Variants in GNAO1 observed in about 807,000 individuals in gnomAD.
The protein encoded by GNAO1 is G protein subunit alpha o1, also known as guanine nucleotide-binding protein G(o) subunit alpha.
For synonymous variants in GNAO1, 164 were observed against 180.7 expected (o/e 0.91, Z 0.74); for missense variants, 166 against 478.7 (o/e 0.35, Z 6.10).
At chr16:56,282,483 A>G (rs1468478218) in intron 3 of GNAO1, among the ~76,000 whole-genome samples, 1 of 152,256 alleles carries the variant, frequency 6.6e-6, no homozygotes, top group Non-Finnish European at 1.5e-5. Context: ...AAACAGAAGC[A>G]CAAGGTTCTT....
chr16:56,327,015 T>C (rs542030226), intron 3 of GNAO1, among the ~76,000 whole-genome samples: 76 of 152,234 alleles, frequency 5.0e-4, no homozygotes, highest in African/African-American at 1.8e-3. Context: ...CATCGGGTTG[T>C]TAAGTGAGTG....
chr16:56,326,212 A>C lies in GNAO1; in HGVS notation c.304-2419A>C, dbSNP rs1223668908. Among the ~76,000 whole-genome samples the C allele has an allele frequency of 6.6e-6, 1 of 152,174 alleles. No individual in the cohort carries two copies. The highest frequency in any genetic ancestry group is 1.5e-5 in the Non-Finnish European group (1 of 68,018). On this transcript the variant is annotated intron_variant, in intron 3 of 8. Transcript: ENST00000262493. This position sits in a 1 kb window ranked among gnomAD's most constrained non-coding sequence, Gnocchi z 4.8. The stretch of plus-strand genomic sequence containing the variant: ...TGCACACCCTGAGGCGTGGTGCCCC[A>C]GGCGGGCAGTAGTCACTAGGCAGGG...
intron 6 of GNAO1, chr16:56,345,377 A>C (rs2037856244): frequency 1.0e-6 from 1 of 985,452 alleles, no homozygotes; most frequent in Non-Finnish European, 1.2e-6. Context: ...CCCACTCTGG[A>C]CACTGCTTAG....
intron 2 of GNAO1, among the ~76,000 whole-genome samples, chr16:56,272,695 C>T (rs1353415367): frequency 6.6e-6 from 1 of 152,236 alleles, no homozygotes; most frequent in African/African-American, 2.4e-5. Context: ...CTTATTCTCT[C>T]TCAGCCTCAG....
chr16:56,255,340 T>A (rs754404171), intron 2 of GNAO1, among the ~76,000 whole-genome samples: 19 of 152,070 alleles, frequency 1.2e-4, no homozygotes, highest in Non-Finnish European at 2.5e-4. Context: ...TTTCCATAGA[T>A]GAGATGTATG....
At position 56,315,990 on chromosome 16, in the gene GNAO1, C is replaced by T. The variant is rs1054979304; in HGVS notation, c.304-12641C>T. On this transcript the variant is annotated intron_variant, in intron 3 of 8. Coordinates refer to ENST00000262493, the MANE Select transcript of GNAO1 (RefSeq NM_020988.3). ...AGGAGAATTGCTTGAACCCGGGAGG[C>T]GGAGGTTGCAGTAGGCCAAAGATCT... Among the ~76,000 whole-genome samples, 9 of 151,900 alleles carry T rather than the reference C, an allele frequency of 5.9e-5. No homozygotes were observed. The South Asian group carries it at 6.2e-4, about 11-fold the overall frequency.
intron 3 of GNAO1, among the ~76,000 whole-genome samples, chr16:56,319,443 G>A (rs1172647878): frequency 1.3e-5 from 2 of 152,140 alleles, no homozygotes; most frequent in Non-Finnish European, 2.9e-5. Context: ...GTACACAGGG[G>A]GCAGGGCCCT....
chr16:56,306,874 G>A (rs1226286880), intron 3 of GNAO1: 1 of 152,364 alleles, frequency 6.6e-6, no homozygotes, highest in Non-Finnish European at 1.5e-5. Context: ...GGGCAGCGTG[G>A]GGCCTCGGGC....
chr16:56,272,642 C>T (rs2037028818), intron 2 of GNAO1, among the ~76,000 whole-genome samples: 1 of 152,248 alleles, frequency 6.6e-6, no homozygotes, highest in African/African-American at 2.4e-5. Flanking sequence ...GTATCCTGTT[C>T]TTGGCCCAGG....
chr16:56,317,607 A>G (rs570467139), intron 3 of GNAO1, among the ~76,000 whole-genome samples: 1 of 151,984 alleles, frequency 6.6e-6, no homozygotes, highest in Admixed American at 6.6e-5. Flanking sequence ...AAGGGATGTG[A>G]GTGGATGGAT....
chr16:56,213,518 A>G, intron 2 of GNAO1: 1 of 392,572 alleles, frequency 2.5e-6, no homozygotes, highest in Non-Finnish European at 4.5e-6. Context: ...TTTTTCTGAG[A>G]TGGGATGGCG....
chr16:56,290,706 C>G (rs1223865422), intron 3 of GNAO1, among the ~76,000 whole-genome samples: 7 of 152,196 alleles, frequency 4.6e-5, no homozygotes, highest in African/African-American at 7.2e-5. Flanking sequence ...AAAGCTGGCT[C>G]TGTGCATCCA....
intron 3 of GNAO1, among the ~76,000 whole-genome samples, chr16:56,322,384 A>C (rs1166672879): frequency 6.6e-6 from 1 of 152,186 alleles, no homozygotes; most frequent in Non-Finnish European, 1.5e-5. Flanking sequence ...AATACCCACC[A>C]CACACAACCC....
intron 2 of GNAO1, among the ~76,000 whole-genome samples, chr16:56,215,320 G>A (rs1372646671): frequency 4.6e-5 from 7 of 152,098 alleles, no homozygotes; most frequent in South Asian, 4.1e-4. Context: ...TCTGAGTTTC[G>A]TAGACACACG....
chr16:56,334,318 T>A (rs781775244), intron 4 of GNAO1, among the ~76,000 whole-genome samples: 1 of 152,256 alleles, frequency 6.6e-6, no homozygotes, highest in African/African-American at 2.4e-5. Flanking sequence ...TTACCTTCGA[T>A]GAGCCCCAGT....
At chr16:56,352,376 G>A (rs1036183944) in intron 7 of GNAO1, 1 of 152,340 alleles carries the variant, frequency 6.6e-6, no homozygotes, top group South Asian at 2.1e-4. Context: ...GCACTGATGG[G>A]ATGCCAGAGC....
At chr16:56,346,603 C>T in intron 6 of GNAO1, 1 of 985,412 alleles carries the variant, frequency 1.0e-6, no homozygotes, top group Non-Finnish European at 1.2e-6. Context: ...TGCCCAGCCC[C>T]AAGCAGAGAG....
intron 2 of GNAO1, among the ~76,000 whole-genome samples, chr16:56,230,036 C>T (rs1401065927): frequency 2.6e-5 from 4 of 152,054 alleles, no homozygotes; most frequent in Non-Finnish European, 5.9e-5. Flanking sequence ...TCTGTATTAT[C>T]CTTCATATGG....
intron 6 of GNAO1, among the ~76,000 whole-genome samples, chr16:56,341,784 C>T (rs2037806744): frequency 2.0e-5 from 3 of 152,290 alleles, no homozygotes; most frequent in South Asian, 2.1e-4. Flanking sequence ...GACACCAGAG[C>T]GGTTACAGGG....
Sources: gnomAD v4.1 joint callset for allele counts (sites outside exome capture counted in the v4.1 genomes callset) on GRCh38, gnomAD v4.1.1 for gene constraint, Gnocchi (gnomAD v3.1) non-coding constraint, MANE v1.5 for transcripts, NCBI Gene and HGNC (gene_info 2026-07-23, HGNC 2026-07-21) for gene names.